The following ZNF438 variants were observed in gnomAD, a reference collection of about 807,000 sequenced individuals.
The protein encoded by ZNF438 is zinc finger protein 438.
A neutral mutation model predicts 38.0 loss-of-function variants in ZNF438; 25 were observed. The observed-to-expected ratio is 0.66, with a 90% CI of 0.48 to 0.92. ZNF438 has a LOEUF of 0.92. Among genes scored for constraint, ZNF438 ranks in the 40% least tolerant of loss-of-function variants. ZNF438 has a pLI of 0.00. For missense variants in ZNF438, 1,007 were observed against 999.6 expected (o/e 1.01, Z -0.10); for synonymous variants, 372 against 364.1 (o/e 1.02, Z -0.25).
chr10:30,863,680 C>G (rs2035948631), intron 4 of ZNF438, among the ~76,000 whole-genome samples: 1 of 152,234 alleles, frequency 6.6e-6, no homozygotes, highest in Non-Finnish European at 1.5e-5. Flanking sequence ...ACTGCTTCTC[C>G]TTGCCCCGAG....
intron 2 of ZNF438, among the ~76,000 whole-genome samples, chr10:30,933,942 C>T (rs1178402984): frequency 2.6e-5 from 4 of 151,938 alleles, no homozygotes; most frequent in Admixed American, 6.5e-5. Flanking sequence ...GTCAGGAGAT[C>T]GAGACCATCC....
chr10:30,845,686 A>G, intron 5 of ZNF438, 113 bp from the exon 7 acceptor site: 1 of 1,315,928 alleles, frequency 7.6e-7, no homozygotes, highest in Non-Finnish European at 1.0e-6. Flanking sequence ...CGAGAAAGAC[A>G]AGGGCTGGGG....
At chr10:30,981,106 G>C (rs2052078567) in intron 1 of ZNF438, among the ~76,000 whole-genome samples, 2 of 152,198 alleles carry the variant, frequency 1.3e-5, no homozygotes, top group African/African-American at 4.8e-5. Flanking sequence ...GGCACGTGGA[G>C]AGCATGTTCC....
intron 3 of ZNF438, among the ~76,000 whole-genome samples, chr10:30,896,796 T>G (rs2041408017): frequency 6.6e-6 from 1 of 152,134 alleles, no homozygotes; most frequent in Admixed American, 6.5e-5. Context: ...ACTACTGAAA[T>G]GTACACTTAA....
At chr10:30,997,457 G>A (rs2132694548) in intron 1 of ZNF438, among the ~76,000 whole-genome samples, 1 of 152,286 alleles carries the variant, frequency 6.6e-6, no homozygotes, top group East Asian at 1.9e-4. Flanking sequence ...TATTAACAAA[G>A]TCTTCTAAGA....
intron 1 of ZNF438, among the ~76,000 whole-genome samples, chr10:30,966,487 G>A (rs1326857684): frequency 2.0e-5 from 3 of 151,898 alleles, no homozygotes; most frequent in Admixed American, 6.6e-5. Flanking sequence ...TGGCTAACAC[G>A]GTGAAACCCT....
chr10:30,923,920 T>C (rs768331273), intron 2 of ZNF438, among the ~76,000 whole-genome samples: 1 of 152,216 alleles, frequency 6.6e-6, no homozygotes, highest in Non-Finnish European at 1.5e-5. Context: ...CTATGTGTAA[T>C]AAGAGAGAAT....
intron 1 of ZNF438, among the ~76,000 whole-genome samples, chr10:30,945,229 T>C (rs1164992675): frequency 6.6e-6 from 1 of 152,076 alleles, no homozygotes. Context: ...TTTAAAATTA[T>C]GTCTCTTTAA....
Position 30,967,455 on chromosome 10 carries a change from T to A in ZNF438, c.-191-25804A>T, listed in dbSNP as rs146467894. ...AGTAAGATGGTAGGGCCAAAATTTATCCTTTTAGAATTAAAACTCATTTTT... is the reference window on the plus strand; with the variant it reads ...AGTAAGATGGTAGGGCCAAAATTTAACCTTTTAGAATTAAAACTCATTTTT... On this transcript the variant is annotated intron_variant, in intron 1 of 5. Transcript: ENST00000413025. Among the ~76,000 whole-genome samples the A allele has an allele frequency of 1.7e-3, 265 of 152,310 alleles. 2 individuals are homozygous for A. The East Asian group carries it at 0.035, about 20-fold the overall frequency.
chr10:30,965,955 C>T (rs533170362), intron 1 of ZNF438, among the ~76,000 whole-genome samples: 8 of 152,126 alleles, frequency 5.3e-5, no homozygotes, highest in South Asian at 2.1e-4. Flanking sequence ...CAAAGATGTA[C>T]GTACTAAATG....
intron 4 of ZNF438, among the ~76,000 whole-genome samples, chr10:30,859,357 C>T (rs868851404): frequency 2.6e-5 from 4 of 152,174 alleles, no homozygotes; most frequent in Admixed American, 1.3e-4. Flanking sequence ...TGATTACAGG[C>T]GTGAGCCACT....
At chr10:30,913,611 G>A (rs2043292458) in intron 2 of ZNF438, among the ~76,000 whole-genome samples, 1 of 152,030 alleles carries the variant, frequency 6.6e-6, no homozygotes, top group South Asian at 2.1e-4. Flanking sequence ...AGGGAGGAAG[G>A]AGGAAAGAAG....
chr10:30,922,260 C>A (rs751772022), intron 2 of ZNF438, among the ~76,000 whole-genome samples: 1 of 152,182 alleles, frequency 6.6e-6, no homozygotes, highest in African/African-American at 2.4e-5. Context: ...ATCCAGGCAA[C>A]ACATGGTAAG....
rs2034306479 is a variant in ZNF438 at position 30,854,669 on chromosome 10, ACTAC to A, written c.38-4306_38-4303del. 2.6e-5 allele frequency among the ~76,000 whole-genome samples: 4 copies of A among 152,246 alleles called. No individual in the cohort carries two copies. The South Asian group carries it at 8.3e-4, about 32-fold the overall frequency. On this transcript the variant is annotated intron_variant, in intron 4 of 5. Transcript: ENST00000413025. ...TGCCAGAATAAGGAGCTAATAATCAACTACCTACCTGAGGAAATAACAAAAGAGA... is the reference window on the plus strand; with the variant it reads ...TGCCAGAATAAGGAGCTAATAATCAACTACCTGAGGAAATAACAAAAGAGA...
intron 1 of ZNF438, among the ~76,000 whole-genome samples, chr10:31,011,932 T>C (rs577282323): frequency 6.6e-6 from 1 of 152,058 alleles, no homozygotes; most frequent in Admixed American, 6.6e-5. Flanking sequence ...ACTGTCCTCC[T>C]CCTCACTCAC....
intron 3 of ZNF438, among the ~76,000 whole-genome samples, chr10:30,904,188 A>C (rs930805312): frequency 6.6e-6 from 1 of 152,218 alleles, no homozygotes; most frequent in Non-Finnish European, 1.5e-5. Flanking sequence ...CTTGGTAAGA[A>C]AGAGATACTT....
chr10:31,012,506 A>T (rs1032971232), intron 1 of ZNF438, among the ~76,000 whole-genome samples: 4 of 152,130 alleles, frequency 2.6e-5, no homozygotes, highest in Non-Finnish European at 4.4e-5. Flanking sequence ...AATATATGTT[A>T]ATCGTCTACC....
chr10:31,004,467 G>A (rs1050227362), intron 1 of ZNF438, among the ~76,000 whole-genome samples: 4 of 152,242 alleles, frequency 2.6e-5, no homozygotes, highest in African/African-American at 9.6e-5. Context: ...AGGAAGCAAT[G>A]GTCAATTGTG....
At chr10:30,994,046 T>C (rs1311844617) in intron 1 of ZNF438, among the ~76,000 whole-genome samples, 7 of 152,248 alleles carry the variant, frequency 4.6e-5, no homozygotes, top group Non-Finnish European at 8.8e-5. Flanking sequence ...CACCACTATA[T>C]TTTGGAAGTA....
Sources: allele counts gnomAD v4.1 joint callset (sites outside exome capture counted in the v4.1 genomes callset), GRCh38; gene constraint gnomAD v4.1.1; transcripts MANE v1.5; gene names NCBI Gene and HGNC (gene_info 2026-07-23, HGNC 2026-07-21).